FOXJ3: variants seen among roughly 807,000 people sequenced by gnomAD.
The protein encoded by FOXJ3 is forkhead box protein J3.
A neutral mutation model predicts 76.1 loss-of-function variants in FOXJ3; 22 were observed. The observed-to-expected ratio is 0.29, with a 90% CI of 0.21 to 0.41. The LOEUF is 0.41. Ranked by LOEUF, FOXJ3 falls within the 10% of genes least tolerant of loss-of-function variation. The pLI, the probability that FOXJ3 is intolerant of heterozygous loss-of-function variation, is 1.00. For synonymous variants in FOXJ3, 269 were observed against 261.2 expected, an observed-to-expected ratio of 1.03 and a Z score of -0.29; for missense variants, 613 against 762.1, an observed-to-expected ratio of 0.80 and a Z score of 2.30.
intron 7 of FOXJ3, among the ~76,000 whole-genome samples, chr1:42,197,634 T>C (rs1646676651): frequency 6.6e-6 from 1 of 150,584 alleles, no homozygotes; most frequent in East Asian, 2.0e-4. Flanking sequence ...TAATACCTAA[T>C]ACAATGTAAA....
At chr1:42,193,006 T>C (rs72674510) in intron 8 of FOXJ3, among the ~76,000 whole-genome samples, 133 of 152,310 alleles carry the variant, frequency 8.7e-4, no homozygotes, top group Middle Eastern at 3.4e-3. Flanking sequence ...CAGTAATTTA[T>C]CAATTTTCAA....
In FOXJ3 at chr1:42,265,209, G is replaced by A. The variant is rs772249170; in HGVS notation, c.370-20C>T. 5.0e-6 allele frequency: 7 copies of A among 1,396,174 alleles called. No individual in the cohort carries two copies. In the African/African-American group the frequency reaches 8.7e-5, roughly 17 times the overall value. The allele number at this position is 1,396,174 out of a possible 1,614,324, so 86.5% of individuals were successfully genotyped here. On this transcript the variant is annotated intron_variant, in intron 3 of 12. Coordinates refer to ENST00000361346, the MANE Select transcript of FOXJ3 (RefSeq NM_014947.5). ...GGAATTCTGGAATTAAAGAAGAAAA[G>A]CCATAAGGTCAATAAAATCCAAAAA... is the stretch of plus-strand genomic sequence containing the variant.
At chr1:42,192,629 T>G (rs1432226450) in intron 8 of FOXJ3, among the ~76,000 whole-genome samples, 1 of 152,184 alleles carries the variant, frequency 6.6e-6, no homozygotes, top group Non-Finnish European at 1.5e-5. Context: ...TAAGGATAAT[T>G]TATGTTTGTT....
intron 1 of FOXJ3, among the ~76,000 whole-genome samples, chr1:42,329,103 C>T (rs1201025227): frequency 1.3e-5 from 2 of 152,172 alleles, no homozygotes; most frequent in Non-Finnish European, 2.9e-5. Flanking sequence ...CTCAGGTTAT[C>T]AGTTGATATA....
At chr1:42,303,976 T>G (rs1349716001) in intron 2 of FOXJ3, among the ~76,000 whole-genome samples, 1 of 151,254 alleles carries the variant, frequency 6.6e-6, no homozygotes, top group Non-Finnish European at 1.5e-5. Flanking sequence ...AAGGAAGAGG[T>G]CCAAATTATC....
chr1:42,205,278 A>T (rs343364), intron 6 of FOXJ3, among the ~76,000 whole-genome samples: 1 of 151,950 alleles, frequency 6.6e-6, no homozygotes, highest in Non-Finnish European at 1.5e-5. Context: ...TGTAGCAAAC[A>T]ACCATGTACT....
At chr1:42,247,559 G>GA (rs1649648527) in intron 4 of FOXJ3, among the ~76,000 whole-genome samples, 2 of 152,134 alleles carry the variant, frequency 1.3e-5, no homozygotes, top group Admixed American at 6.6e-5. Context: ...TTAATCCAAT[G>GA]AAAATCAAAA....
At chr1:42,203,515 A>T (rs900026362) in intron 6 of FOXJ3, among the ~76,000 whole-genome samples, 7 of 152,174 alleles carry the variant, frequency 4.6e-5, no homozygotes, top group Non-Finnish European at 7.3e-5. Flanking sequence ...AATTTTTCTC[A>T]GATATCAAGT....
chr1:42,192,628 T>C (rs1297016194), intron 8 of FOXJ3, among the ~76,000 whole-genome samples: 6 of 152,330 alleles, frequency 3.9e-5, no homozygotes, highest in East Asian at 1.9e-4. Flanking sequence ...TTAAGGATAA[T>C]TTATGTTTGT....
chr1:42,263,034 G>A lies in FOXJ3; in HGVS notation c.444+2081C>T, dbSNP rs552497770. On this transcript the variant is annotated intron_variant, in intron 4 of 12. Transcript: ENST00000361346. ...TTAAAACTGAAAACTACTGGTAAAA[G>A]ATGAAAGCTCTCATTAGCCTCTCAG... Among the ~76,000 whole-genome samples, 5 of 152,210 alleles carry A rather than the reference G, an allele frequency of 3.3e-5. No individual in the cohort carries two copies. In the South Asian group the frequency reaches 6.2e-4, roughly 19 times the overall value.
rs541204379 is a variant in FOXJ3 at position 42,293,014 on chromosome 1, T to C, written c.45-14342A>G. 7.2e-5 allele frequency among the ~76,000 whole-genome samples: 11 copies of C among 152,174 alleles called. 1 individual carries two copies. The highest frequency in any genetic ancestry group is 2.6e-4 in the African/African-American group (11 of 41,522). On this transcript the variant is annotated intron_variant, in intron 2 of 12. Coordinates refer to ENST00000361346, the MANE Select transcript of FOXJ3 (RefSeq NM_014947.5). Reference sequence around the variant, plus strand: ...TACTCAGGAGGCCGAGACAAGACGATTGCTTGAGCCTGGAAGGTGGAGGCT... The same window carrying C: ...TACTCAGGAGGCCGAGACAAGACGACTGCTTGAGCCTGGAAGGTGGAGGCT...
At chr1:42,282,079 AAAAG>A (rs1427568281) in intron 2 of FOXJ3, among the ~76,000 whole-genome samples, 1 of 152,076 alleles carries the variant, frequency 6.6e-6, no homozygotes, top group Non-Finnish European at 1.5e-5. Flanking sequence ...AAAAAAAAAA[AAAAG>A]AAACAAACAA....
chr1:42,213,471 T>TAA (rs76717485), intron 5 of FOXJ3, among the ~76,000 whole-genome samples: 6 of 132,338 alleles, frequency 4.5e-5, no homozygotes, highest in African/African-American at 1.7e-4. Context: ...CAACAACAGT[T>TAA]AAAAAAAAAA....
At chr1:42,198,649 T>C (rs1384566860) in intron 7 of FOXJ3, among the ~76,000 whole-genome samples, 1 of 152,178 alleles carries the variant, frequency 6.6e-6, no homozygotes, top group African/African-American at 2.4e-5. Flanking sequence ...GGATCCAAAC[T>C]GAAAATACAT....
intron 2 of FOXJ3, among the ~76,000 whole-genome samples, chr1:42,302,104 C>T (rs1654187665): frequency 6.6e-6 from 1 of 152,118 alleles, no homozygotes; most frequent in South Asian, 2.1e-4. Context: ...TGGTAGTTTT[C>T]CCAAATGCTG....
In FOXJ3 at chr1:42,334,038, C is replaced by A. The variant is rs571993328; in HGVS notation, c.-18+1021G>T. 1.1e-4 allele frequency: 42 copies of A among 396,186 alleles called. No individual in the cohort carries two copies. The East Asian group carries it at 6.5e-3, about 61-fold the overall frequency. 24.5% of individuals were successfully genotyped at this position (396,186 alleles called of 1,614,324 possible). On this transcript the variant is annotated intron_variant, in intron 1 of 12. Transcript: ENST00000361346. ...GCTCTAACTCATTCAGGAATCCAAC[C>A]AGGGACAACACAGACGTGGAATGCA...
chr1:42,332,545 A>C (rs1206860588), intron 1 of FOXJ3, among the ~76,000 whole-genome samples: 1 of 152,138 alleles, frequency 6.6e-6, no homozygotes. Context: ...TAAGCACTCT[A>C]ATCAGTCTCT....
Position 42,191,461 on chromosome 1 carries a change from G to A in FOXJ3, c.1193C>T (p.Pro398Leu), listed in dbSNP as rs1646542909. 6.2e-7 allele frequency: 1 copy of A among 1,613,590 alleles called. No individual in the cohort carries two copies. Among genetic ancestry groups the A allele is most frequent in the Non-Finnish European group, 8.5e-7 (1 of 1,179,718 alleles). Residue 398 changes from proline to leucine, a missense_variant, in exon 9 of 13, where the codon CCA (proline) becomes CTA (leucine). This residue lies in a region of FOXJ3 where 526 missense variants were observed against 601.4 expected (regional missense o/e 0.87). Coordinates refer to ENST00000361346, the MANE Select transcript of FOXJ3 (RefSeq NM_014947.5). ...HGLPQHPQRS[P>L]HPAPHPQQHS... ...TTGCTGTGGGTGTGGTGCTGGGTGT[G>A]GGGAACGCTGCGGATGCTGCGGTAA...
At chr1:42,334,361 C>CA (rs1656336466) in intron 1 of FOXJ3, among the ~76,000 whole-genome samples, 1 of 152,174 alleles carries the variant, frequency 6.6e-6, no homozygotes, top group Non-Finnish European at 1.5e-5. Context: ...GAGGAAATCA[C>CA]AGAGGAAAAA....
Sources: allele counts gnomAD v4.1 joint callset (sites outside exome capture counted in the v4.1 genomes callset), GRCh38; gene constraint gnomAD v4.1.1; regional missense constraint gnomAD v4.1.1; transcripts MANE v1.5; gene names NCBI Gene and HGNC (gene_info 2026-07-23, HGNC 2026-07-21).